Variants in VIT observed in about 807,000 individuals in gnomAD.
The protein encoded by VIT is vitrin.
VIT carries 99 observed loss-of-function variants against 78.0 expected under a neutral mutation model. That is an observed-to-expected ratio of 1.27 (90% CI 1.08 to 1.50). The LOEUF (loss-of-function observed/expected upper bound fraction) is 1.50. Ranked by LOEUF, VIT falls within the 40% of genes most tolerant of loss-of-function variation. The pLI, the probability that VIT is intolerant of heterozygous loss-of-function variation, is 0.00. For missense variants in VIT, 1,126 were observed against 875.3 expected, an observed-to-expected ratio of 1.29 and a Z score of -3.61; for synonymous variants, 374 against 334.3, an observed-to-expected ratio of 1.12 and a Z score of -1.29.
chr2:36,717,124 C>T (rs1666195132), intron 2 of VIT, among the ~76,000 whole-genome samples: 1 of 151,772 alleles, frequency 6.6e-6, no homozygotes, highest in Admixed American at 6.6e-5. Flanking sequence ...ATCCGTCCAC[C>T]TCAGCCTCCC....
At chr2:36,715,482 G>T (rs1462643141) in intron 1 of VIT, among the ~76,000 whole-genome samples, 1 of 148,922 alleles carries the variant, frequency 6.7e-6, no homozygotes, top group African/African-American at 2.5e-5. Flanking sequence ...GTTGTAGTGA[G>T]CCGAGATCAC....
chr2:36,704,754 C>T (rs568687588), intron 1 of VIT, among the ~76,000 whole-genome samples: 3 of 152,108 alleles, frequency 2.0e-5, no homozygotes, highest in Non-Finnish European at 4.4e-5. Flanking sequence ...GAGAGGGAGC[C>T]CCATGTCTGC....
intron 12 of VIT, among the ~76,000 whole-genome samples, chr2:36,791,680 A>G (rs1156995050): frequency 2.0e-5 from 3 of 152,354 alleles, no homozygotes; most frequent in South Asian, 4.1e-4. Flanking sequence ...GACATGAGCA[A>G]GAAGTGCAGG....
intron 2 of VIT, among the ~76,000 whole-genome samples, chr2:36,726,068 CAA>C (rs201797565): frequency 6.3e-4 from 64 of 100,826 alleles, no homozygotes; most frequent in East Asian, 4.3e-3. Flanking sequence ...GACTCTGTCT[CAA>C]AAAAAAAAAA....
In VIT at chr2:36,705,996, T is replaced by C. The variant is rs759427; in HGVS notation, c.-19+9023T>C. Among the ~76,000 whole-genome samples the C allele has an allele frequency of 5.0e-3, 764 of 152,312 alleles. 11 individuals are homozygous for C. The highest frequency in any genetic ancestry group is 0.018 in the African/African-American group (732 of 41,574). ...CAAAAAGTCTCCAAACACTATTATA[T>C]GTCTCCTGCGGGACCAAATCACCTC... On this transcript the variant is annotated intron_variant, in intron 1 of 15. Coordinates refer to ENST00000379242, the MANE Select transcript of VIT (RefSeq NM_053276.4).
At position 36,778,538 on chromosome 2, in the gene VIT, C is replaced by G. The variant is rs571126670; in HGVS notation, c.803-3189C>G. Among the ~76,000 whole-genome samples the G allele has an allele frequency of 8.5e-5, 13 of 152,334 alleles. No individual in the cohort carries two copies. The South Asian group carries it at 1.4e-3, about 17-fold the overall frequency. ...GAGTTAATGTTTCCAAGAGAAAAGG[C>G]TGCCAGGTTTCCCAAAAAATACCCC... On this transcript the variant is annotated intron_variant, in intron 9 of 15. Transcript: ENST00000379242.
At position 36,804,963 on chromosome 2, in the gene VIT, C is replaced by T. The variant is rs545896514; in HGVS notation, c.1163-475C>T. Among the ~76,000 whole-genome samples, 53 of 152,192 alleles carry T rather than the reference C, an allele frequency of 3.5e-4. 2 individuals are homozygous for T. The South Asian group carries it at 0.011, about 32-fold the overall frequency. On this transcript the variant is annotated intron_variant, in intron 13 of 15. Coordinates refer to ENST00000379242, the MANE Select transcript of VIT (RefSeq NM_053276.4). ...GTAACGGCTGCACATTGTGAACGTA[C>T]TTAATGCCACTGAATTGTACACATA... is the stretch of plus-strand genomic sequence containing the variant.
At chr2:36,784,738 T>C (rs1399646561) in intron 11 of VIT, among the ~76,000 whole-genome samples, 3 of 152,276 alleles carry the variant, frequency 2.0e-5, no homozygotes, top group Non-Finnish European at 4.4e-5. Flanking sequence ...TGATCTCTTC[T>C]TTAGCCATAA....
intron 4 of VIT, among the ~76,000 whole-genome samples, chr2:36,753,127 G>C (rs773181394): frequency 6.6e-6 from 1 of 151,118 alleles, no homozygotes; most frequent in Non-Finnish European, 1.5e-5. Flanking sequence ...AATACCGCAT[G>C]TTCTCACTTA....
At chr2:36,734,592 G>A (rs1205616373) in intron 3 of VIT, among the ~76,000 whole-genome samples, 1 of 152,154 alleles carries the variant, frequency 6.6e-6, no homozygotes, top group African/African-American at 2.4e-5. Flanking sequence ...GGAAAAATGG[G>A]AGAAGGAGAA....
At chr2:36,772,961 C>A (rs1200221585) in intron 7 of VIT, among the ~76,000 whole-genome samples, 1 of 152,178 alleles carries the variant, frequency 6.6e-6, no homozygotes, top group African/African-American at 2.4e-5. Flanking sequence ...TCCCTTCTCC[C>A]TTTTAAAACC....
Position 36,716,509 on chromosome 2 carries a change from G to C in VIT, c.52+87G>C, listed in dbSNP as rs553752974. 793 of 1,167,312 alleles carry C rather than the reference G, an allele frequency of 6.8e-4. 16 individuals are homozygous for C. In the South Asian group the frequency reaches 9.6e-3, roughly 14 times the overall value. 72.3% of individuals were successfully genotyped at this position (1,167,312 alleles called of 1,614,324 possible). A position where few individuals can be genotyped will look rare whatever the true frequency, so the allele number is the denominator to read the frequency against. Reference sequence around the variant, plus strand: ...CTAGCCAAGAAAAGTTTTAAACCAAGACAGAGCATATAAACAATACAGTGT... The same window carrying C: ...CTAGCCAAGAAAAGTTTTAAACCAACACAGAGCATATAAACAATACAGTGT... On this transcript the variant is annotated intron_variant, in intron 2 of 15. Transcript: ENST00000379242.
intron 1 of VIT, among the ~76,000 whole-genome samples, chr2:36,703,625 C>G (rs1339189578): frequency 6.6e-6 from 1 of 152,216 alleles, no homozygotes; most frequent in Non-Finnish European, 1.5e-5. Flanking sequence ...TGAGTGAGTT[C>G]AGGCTCAAAT....
chr2:36,700,180 G>A (rs1664963433), intron 1 of VIT, among the ~76,000 whole-genome samples: 1 of 152,116 alleles, frequency 6.6e-6, no homozygotes, highest in Non-Finnish European at 1.5e-5. Context: ...GAAACTAGTT[G>A]CCATCTCTTT....
At chr2:36,791,463 A>G (rs975289084) in intron 12 of VIT, among the ~76,000 whole-genome samples, 2 of 152,252 alleles carry the variant, frequency 1.3e-5, no homozygotes, top group African/African-American at 2.4e-5. Context: ...TTTACCTCAC[A>G]CAGCAGAAGG....
intron 12 of VIT, among the ~76,000 whole-genome samples, chr2:36,797,662 A>G (rs1215637232): frequency 6.6e-6 from 1 of 152,144 alleles, no homozygotes; most frequent in African/African-American, 2.4e-5. Context: ...AAGAAAGGGG[A>G]CCAACCAGTG....
Position 36,814,342 on chromosome 2 carries a change from A to G in VIT, c.2063A>G (p.Asn688Ser). 2 of 1,614,174 alleles carry G rather than the reference A, an allele frequency of 1.2e-6. No individual in the cohort carries two copies. The highest frequency in any genetic ancestry group is 2.2e-5 in the South Asian group (2 of 91,066). Residue 688 changes from asparagine (N) to serine (S), a missense_variant, in exon 16 of 16, where the codon AAC (asparagine) becomes AGC (serine). Transcript: ENST00000379242. Reference protein sequence around the residue: ...RIIQNICTEFNSQPRN With the variant: ...RIIQNICTEFSSQPRN ...ATCCAGAACATTTGTACAGAGTTCA[A>G]CTCACAGCCTCGGAACTGAATTCAG... is the stretch of plus-strand genomic sequence containing the variant.
chr2:36,814,126 T>C (rs1667390606), intron 15 of VIT, 57 bp from the exon 16 acceptor site: 2 of 1,582,256 alleles, frequency 1.3e-6, no homozygotes, highest in Non-Finnish European at 1.7e-6. Context: ...AAGAGAGAGA[T>C]TCTTTAGCAG....
At chr2:36,697,601 G>A (rs1263507464) in intron 1 of VIT, among the ~76,000 whole-genome samples, 1 of 152,222 alleles carries the variant, frequency 6.6e-6, no homozygotes, top group Non-Finnish European at 1.5e-5. Context: ...TCGTAGCTCA[G>A]CTTTTCACAG....
Sources: gnomAD v4.1 joint callset for allele counts (sites outside exome capture counted in the v4.1 genomes callset) on GRCh38, gnomAD v4.1.1 for gene constraint, MANE v1.5 for transcripts, NCBI Gene and HGNC (gene_info 2026-07-23, HGNC 2026-07-21) for gene names.